Variants in PCDH7 observed in about 807,000 individuals in gnomAD.
PCDH7 encodes the protein protocadherin 7, also known as protocadherin-7.
PCDH7 carries 17 observed loss-of-function variants against 58.9 expected under a neutral mutation model. The ratio of observed to expected loss-of-function variants is 0.29; its 90% CI spans 0.20 to 0.43. The LOEUF is 0.43. Among genes scored for constraint, PCDH7 ranks in the 20% least tolerant of loss-of-function variants. PCDH7 has a pLI of 1.00. For missense variants in PCDH7, 1,274 were observed against 1,441.0 expected (o/e 0.88, Z 1.88); for synonymous variants, 664 against 616.4 (o/e 1.08, Z -1.14).
At chr4:31,082,270 T>C (rs1375026111) in intron 3 of PCDH7, among the ~76,000 whole-genome samples, 4 of 152,150 alleles carry the variant, frequency 2.6e-5, no homozygotes, top group Admixed American at 2.6e-4. Context: ...AACAAATCAA[T>C]ATAGTCAAAA....
At chr4:30,930,482 A>G (rs952011471) in intron 2 of PCDH7, among the ~76,000 whole-genome samples, 1 of 152,210 alleles carries the variant, frequency 6.6e-6, no homozygotes, top group Admixed American at 6.5e-5. Flanking sequence ...GAGTCAGAAC[A>G]CTGGTAATGC....
chr4:31,138,264 G>A (rs1719853512), intron 3 of PCDH7, among the ~76,000 whole-genome samples: 1 of 152,152 alleles, frequency 6.6e-6, no homozygotes, highest in Non-Finnish European at 1.5e-5. Context: ...GTTTTTGAGA[G>A]ATAATCTGAC....
chr4:31,096,568 A>C (rs1714015464), intron 3 of PCDH7, among the ~76,000 whole-genome samples: 1 of 152,234 alleles, frequency 6.6e-6, no homozygotes, highest in Admixed American at 6.5e-5. Context: ...AGGTTGAGTT[A>C]AATCTATGTC....
intron 1 of PCDH7, among the ~76,000 whole-genome samples, chr4:30,777,083 A>G (rs983486687): frequency 1.3e-5 from 2 of 152,138 alleles, no homozygotes; most frequent in African/African-American, 4.8e-5. Context: ...AGTGTAGTCT[A>G]CTTAAGAGAA....
intron 3 of PCDH7, among the ~76,000 whole-genome samples, chr4:31,006,751 G>A (rs1366340539): frequency 6.6e-6 from 1 of 151,958 alleles, no homozygotes; most frequent in Non-Finnish European, 1.5e-5. Flanking sequence ...AATTAGCCAG[G>A]TGTAGTGGTG....
At chr4:30,765,866 C>T (rs983163735) in intron 1 of PCDH7, among the ~76,000 whole-genome samples, 1 of 152,144 alleles carries the variant, frequency 6.6e-6, no homozygotes, top group African/African-American at 2.4e-5. Context: ...CCTCCCCCAC[C>T]TGTCATTAGA....
rs566493722 is a variant in PCDH7 at position 30,932,952 on chromosome 4, A to G, written c.287+12583A>G. Among the ~76,000 whole-genome samples, 6 of 152,316 alleles carry G rather than the reference A, an allele frequency of 3.9e-5. No homozygotes were observed. The East Asian group carries it at 1.2e-3, about 29-fold the overall frequency. On this transcript the variant is annotated intron_variant, in intron 2 of 3. Coordinates refer to the PCDH7 transcript ENST00000509759. ...CAATACCCTTTCTTTAAGGAGAGCC[A>G]AGGAAAATCAGAGTAGCTCTTAAAA...
intron 2 of PCDH7, among the ~76,000 whole-genome samples, chr4:30,930,940 A>G (rs1359148471): frequency 6.6e-6 from 1 of 151,986 alleles, no homozygotes; most frequent in African/African-American, 2.4e-5. Flanking sequence ...CCCTGTCTCT[A>G]AAAAAAACAG....
At position 31,091,938 on chromosome 4, in the gene PCDH7, A is replaced by G. The variant is rs1393950969; in HGVS notation, c.*8-50535A>G. On this transcript the variant is annotated intron_variant, in intron 3 of 3. Transcript: ENST00000509759. The stretch of plus-strand genomic sequence containing the variant: ...TTAATAGTTGAATTGTGAAATCATA[A>G]TCAAGCTCAATCTGAAGTACGATGA... Among the ~76,000 whole-genome samples, 5 of 151,934 alleles carry G rather than the reference A, an allele frequency of 3.3e-5. No homozygotes were observed. In the South Asian group the frequency reaches 1.0e-3, roughly 32 times the overall value.
intron 1 of PCDH7, among the ~76,000 whole-genome samples, chr4:30,726,877 C>T (rs752032612): frequency 1.2e-4 from 18 of 151,850 alleles, no homozygotes; most frequent in Admixed American, 7.9e-4. Flanking sequence ...AGTTACATTC[C>T]GTTTTGACAT....
intron 1 of PCDH7, among the ~76,000 whole-genome samples, chr4:30,901,744 C>T (rs1439068137): frequency 2.6e-5 from 4 of 152,152 alleles, no homozygotes; most frequent in African/African-American, 9.7e-5. Context: ...ATGAAAAACT[C>T]TTATCAGAAG....
At chr4:31,124,992 G>A (rs1718128551) in intron 3 of PCDH7, among the ~76,000 whole-genome samples, 1 of 152,168 alleles carries the variant, frequency 6.6e-6, no homozygotes, top group South Asian at 2.1e-4. Context: ...TCTGTGAAAT[G>A]ACAATAATCC....
intron 1 of PCDH7, among the ~76,000 whole-genome samples, chr4:30,741,391 G>A (rs1042205182): frequency 6.6e-6 from 1 of 151,038 alleles, no homozygotes; most frequent in Admixed American, 6.6e-5. Flanking sequence ...ACAGGGTTTC[G>A]CCACGTTACC....
intron 1 of PCDH7, among the ~76,000 whole-genome samples, chr4:30,770,880 A>G (rs1016250816): frequency 7.2e-5 from 11 of 152,196 alleles, no homozygotes; most frequent in African/African-American, 2.7e-4. Context: ...TATATGATTT[A>G]TTATGAAAGA....
intron 1 of PCDH7, among the ~76,000 whole-genome samples, chr4:30,794,918 G>A (rs983003064): frequency 6.6e-6 from 1 of 151,948 alleles, no homozygotes; most frequent in Admixed American, 6.6e-5. Flanking sequence ...TTTATTTTTG[G>A]TATGATAGTT....
At chr4:31,096,091 G>T (rs1217726040) in intron 3 of PCDH7, among the ~76,000 whole-genome samples, 1 of 152,090 alleles carries the variant, frequency 6.6e-6, no homozygotes, top group Non-Finnish European at 1.5e-5. Flanking sequence ...TCACTGATAA[G>T]ATATAGCTCA....
rs147569982 is a variant in PCDH7 at position 31,028,104 on chromosome 4, A to C, written c.*7+77889A>C. 2.8e-4 allele frequency among the ~76,000 whole-genome samples: 42 copies of C among 152,254 alleles called. No individual in the cohort carries two copies. In the East Asian group the frequency reaches 8.1e-3, roughly 29 times the overall value. ...AATACTCTAGAAAGTATTCTTAGGT[A>C]AGCCAAATTATTTATTTTGTATGGT... is the stretch of plus-strand genomic sequence containing the variant. On this transcript the variant is annotated intron_variant, in intron 3 of 3. Transcript: ENST00000509759.
chr4:31,026,762 C>A (rs1013594849), intron 3 of PCDH7, among the ~76,000 whole-genome samples: 1 of 152,058 alleles, frequency 6.6e-6, no homozygotes, highest in Non-Finnish European at 1.5e-5. Flanking sequence ...GGGGAAAAAA[C>A]CTGCACACAC....
chr4:30,721,420 A>C lies in PCDH7; in HGVS notation c.-3A>C. The C allele has an allele frequency of 6.7e-7, 1 of 1,496,552 alleles. No homozygotes were observed. The highest frequency in any genetic ancestry group is 8.9e-7 in the Non-Finnish European group (1 of 1,125,218). The allele number at this position is 1,496,552 out of a possible 1,614,324, so 92.7% of individuals were successfully genotyped here. A position where few individuals can be genotyped will look rare whatever the true frequency, so the allele number is the denominator to read the frequency against. On this transcript the variant is annotated 5_prime_UTR_variant, in exon 1 of 2. Coordinates refer to ENST00000361762, the Ensembl canonical transcript of PCDH7. The surrounding 1 kb of genome is among the most constrained non-coding windows in gnomAD (Gnocchi z 6.7). ...GGAGCAGTAGCAGCAGCAGCAGGAG[A>C]AGATGCTGAGGATGCGGACCGCGGG... is the stretch of plus-strand genomic sequence containing the variant.
Sources: gnomAD v4.1 joint callset for allele counts (sites outside exome capture counted in the v4.1 genomes callset) on GRCh38, gnomAD v4.1.1 for gene constraint, Gnocchi (gnomAD v3.1) non-coding constraint, MANE v1.5 for transcripts, NCBI Gene and HGNC (gene_info 2026-07-23, HGNC 2026-07-21) for gene names.